Variants in ELMO1 observed in about 807,000 individuals in gnomAD.
ELMO1 encodes engulfment and cell motility 1.
A neutral mutation model predicts 98.9 loss-of-function variants in ELMO1; 26 were observed. That is an observed-to-expected ratio of 0.26 (90% CI 0.19 to 0.36). The LOEUF (loss-of-function observed/expected upper bound fraction) is 0.36, where lower values mean the gene tolerates loss of function less well. Among genes scored for constraint, ELMO1 ranks in the 10% least tolerant of loss-of-function variants. ELMO1 has a pLI of 1.00. For missense variants in ELMO1, 627 were observed against 935.2 expected, an observed-to-expected ratio of 0.67 and a Z score of 4.30; for synonymous variants, 346 against 346.0, an observed-to-expected ratio of 1.00 and a Z score of 0.00.
chr7:37,265,498 T>C (rs1796190210), intron 5 of ELMO1, among the ~76,000 whole-genome samples: 1 of 151,914 alleles, frequency 6.6e-6, no homozygotes. Context: ...GAAGAGAGAG[T>C]AGCTCGAAAG....
At chr7:37,047,614 T>C (rs999530773) in intron 15 of ELMO1, among the ~76,000 whole-genome samples, 1 of 152,242 alleles carries the variant, frequency 6.6e-6, no homozygotes, top group African/African-American at 2.4e-5. Context: ...GACTGGGTCG[T>C]TGGGCTTATT....
chr7:37,388,855 C>T (rs372118167), intron 1 of ELMO1, among the ~76,000 whole-genome samples: 3 of 152,158 alleles, frequency 2.0e-5, no homozygotes, highest in Non-Finnish European at 4.4e-5. Context: ...ACACAAAAGA[C>T]GTTCTGCATG....
intron 8 of ELMO1, among the ~76,000 whole-genome samples, chr7:37,227,470 C>T (rs1793932439): frequency 6.6e-6 from 1 of 152,150 alleles, no homozygotes; most frequent in Admixed American, 6.5e-5. Context: ...ACTGCAACCT[C>T]CACCTCTCCA....
At chr7:37,093,057 A>T (rs563463682) in intron 15 of ELMO1, among the ~76,000 whole-genome samples, 1 of 152,212 alleles carries the variant, frequency 6.6e-6, no homozygotes, top group African/African-American at 2.4e-5. Context: ...TACAGCCTTC[A>T]ACTGAATAAC....
intron 16 of ELMO1, among the ~76,000 whole-genome samples, chr7:36,936,763 C>T (rs189965115): frequency 1.5e-3 from 221 of 152,162 alleles, no homozygotes; most frequent in African/African-American, 5.0e-3. Context: ...CCATTTTCTT[C>T]TTAAAGACCA....
chr7:37,324,857 C>T (rs781278400), intron 2 of ELMO1, among the ~76,000 whole-genome samples: 1 of 152,222 alleles, frequency 6.6e-6, no homozygotes, highest in African/African-American at 2.4e-5. Context: ...GGATTACAGG[C>T]GTAAGCACCG....
chr7:37,312,205 G>C (rs958871378), intron 4 of ELMO1, among the ~76,000 whole-genome samples: 1 of 152,138 alleles, frequency 6.6e-6, no homozygotes, highest in African/African-American at 2.4e-5. Flanking sequence ...TGATACTCCT[G>C]CCTCAGCCTC....
At chr7:37,286,390 G>C (rs1797394109) in intron 4 of ELMO1, among the ~76,000 whole-genome samples, 1 of 152,216 alleles carries the variant, frequency 6.6e-6, no homozygotes, top group South Asian at 2.1e-4. Context: ...CTGGGAATTT[G>C]GCACAGCCCC....
Position 37,296,109 on chromosome 7 carries a change from T to C in ELMO1, c.192+18741A>G, listed in dbSNP as rs192281853. 1.6e-3 allele frequency among the ~76,000 whole-genome samples: 244 copies of C among 152,342 alleles called. 1 individual carries two copies. Among genetic ancestry groups the C allele is most frequent in the African/African-American group, 4.2e-3 (173 of 41,582 alleles). On this transcript the variant is annotated intron_variant, in intron 4 of 21. Transcript: ENST00000310758. Reference sequence around the variant, plus strand: ...CTTTTAGCTGTCTCCACAGTTTCTATGGATCAGGAGTCTAGCACCTTTTAG... The same window carrying C: ...CTTTTAGCTGTCTCCACAGTTTCTACGGATCAGGAGTCTAGCACCTTTTAG...
At chr7:37,320,411 A>C (rs1344703086) in intron 2 of ELMO1, among the ~76,000 whole-genome samples, 1 of 152,126 alleles carries the variant, frequency 6.6e-6, no homozygotes, top group East Asian at 1.9e-4. Flanking sequence ...ACCAAAAACA[A>C]ACAAACAAAA....
chr7:37,125,841 T>G (rs978091098), intron 14 of ELMO1, among the ~76,000 whole-genome samples: 50 of 152,204 alleles, frequency 3.3e-4, no homozygotes, highest in Non-Finnish European at 1.9e-4. Flanking sequence ...TAAAGACACA[T>G]GCAGACGTAT....
chr7:36,982,653 C>T (rs187398230), intron 16 of ELMO1, among the ~76,000 whole-genome samples: 1 of 152,310 alleles, frequency 6.6e-6, no homozygotes, highest in Admixed American at 6.5e-5. Context: ...AAACCTGTTA[C>T]CATGACCCCT....
In ELMO1 at chr7:37,409,080, A is replaced by G. The variant is rs544609758; in HGVS notation, c.-74+39595T>C. On this transcript the variant is annotated intron_variant, in intron 1 of 21. Transcript: ENST00000310758. ...CAGAGTTCAGAACAAACTCAGCACA[A>G]TATCAGCAGAAAGGTGATCCGGAAG... 2.6e-5 allele frequency among the ~76,000 whole-genome samples: 4 copies of G among 151,990 alleles called. No individual in the cohort carries two copies. The East Asian group carries it at 7.7e-4, about 29-fold the overall frequency.
At chr7:37,141,819 C>A (rs185792215) in intron 13 of ELMO1, among the ~76,000 whole-genome samples, 28 of 152,266 alleles carry the variant, frequency 1.8e-4, no homozygotes, top group Non-Finnish European at 3.5e-4. Context: ...GATCAAACAA[C>A]CCACACTTTT....
intron 1 of ELMO1, among the ~76,000 whole-genome samples, chr7:37,441,463 G>T (rs946647205): frequency 6.6e-6 from 1 of 152,154 alleles, no homozygotes; most frequent in African/African-American, 2.4e-5. Context: ...TGTCCTGGTC[G>T]CACTAATGGA....
intron 20 of ELMO1, among the ~76,000 whole-genome samples, chr7:36,864,569 C>T (rs1802882167): frequency 6.6e-6 from 1 of 152,200 alleles, no homozygotes; most frequent in African/African-American, 2.4e-5. Flanking sequence ...GTCAGCTCTT[C>T]AGCACTTGGA....
chr7:37,370,055 A>C (rs1295832876), intron 1 of ELMO1, among the ~76,000 whole-genome samples: 2 of 152,160 alleles, frequency 1.3e-5, no homozygotes, highest in Non-Finnish European at 2.9e-5. Context: ...AACATTAACC[A>C]CCAGAGAAGA....
At chr7:37,021,922 T>G (rs890008212) in intron 15 of ELMO1, among the ~76,000 whole-genome samples, 2 of 152,062 alleles carry the variant, frequency 1.3e-5, no homozygotes, top group East Asian at 3.9e-4. Flanking sequence ...GGTGTATGGA[T>G]GGAAAAACAG....
chr7:37,289,509 GT>G (rs1797568072), intron 4 of ELMO1, among the ~76,000 whole-genome samples: 1 of 152,194 alleles, frequency 6.6e-6, no homozygotes, highest in Non-Finnish European at 1.5e-5. Context: ...CTGAAGCAAA[GT>G]TACAAACAGC....
Sources: gnomAD v4.1 joint callset for allele counts (sites outside exome capture counted in the v4.1 genomes callset) on GRCh38, gnomAD v4.1.1 for gene constraint, MANE v1.5 for transcripts, NCBI Gene and HGNC (gene_info 2026-07-23, HGNC 2026-07-21) for gene names.